SULT1E1: variants seen among roughly 807,000 people sequenced by gnomAD.
The protein encoded by SULT1E1 is sulfotransferase family 1E member 1.
Under a neutral mutation model 33.6 loss-of-function variants are expected in SULT1E1, and 36 were observed. The ratio of observed to expected loss-of-function variants is 1.07; its 90% confidence interval spans 0.82 to 1.41. SULT1E1 has a LOEUF of 1.41. Among genes scored for constraint, SULT1E1 ranks in the 40% most tolerant of loss-of-function variants. The pLI is 0.00. For synonymous variants in SULT1E1, 121 were observed against 111.7 expected, an observed-to-expected ratio of 1.08 and a Z score of -0.53; for missense variants, 371 against 345.7, an observed-to-expected ratio of 1.07 and a Z score of -0.58.
the SULT1E1 span, among the ~76,000 whole-genome samples, chr4:69,828,864 C>T: frequency 0.044 from 6,667 of 152,212 alleles, 214 homozygotes; most frequent in East Asian, 0.082. Context: ...GATAGCAGTC[C>T]TCTTGGGTTG....
intron 6 of SULT1E1, 41 bp from the exon 7 acceptor site, chr4:69,844,382 T>C (rs756417927): frequency 2.8e-6 from 4 of 1,448,292 alleles, no homozygotes; most frequent in East Asian, 2.4e-5. Flanking sequence ...TTGCTAAAAC[T>C]GAATAAATCA....
At chr4:69,821,960 T>C in the SULT1E1 span, among the ~76,000 whole-genome samples, 1 of 152,210 alleles carries the variant, frequency 6.6e-6, no homozygotes, top group Non-Finnish European at 1.5e-5. Flanking sequence ...TTGTAATAGT[T>C]AGGTTGTTGT....
downstream of SULT1E1, among the ~76,000 whole-genome samples, chr4:69,840,939 G>A (rs1219297822): frequency 3.3e-5 from 5 of 152,078 alleles, no homozygotes; most frequent in Non-Finnish European, 1.5e-5. Flanking sequence ...CCAGCTACTT[G>A]GAAGGCTGAG....
chr4:69,833,895 G>A, the SULT1E1 span, among the ~76,000 whole-genome samples: 1 of 152,130 alleles, frequency 6.6e-6, no homozygotes, highest in Non-Finnish European at 1.5e-5. Flanking sequence ...AATCACATTT[G>A]TTGTTAAATT....
chr4:69,845,120 G>A (rs932163102), intron 6 of SULT1E1, among the ~76,000 whole-genome samples: 1 of 151,916 alleles, frequency 6.6e-6, no homozygotes, highest in Non-Finnish European at 1.5e-5. Flanking sequence ...TACCACATGT[G>A]TATTTTTGTA....
chr4:69,846,434 G>C (rs1720979154), intron 6 of SULT1E1, among the ~76,000 whole-genome samples: 1 of 150,710 alleles, frequency 6.6e-6, no homozygotes, highest in Admixed American at 6.6e-5. Flanking sequence ...TTACCTAGCT[G>C]ATGTGTATAT....
the SULT1E1 span, among the ~76,000 whole-genome samples, chr4:69,829,149 G>A: frequency 1.3e-5 from 2 of 152,172 alleles, no homozygotes; most frequent in Non-Finnish European, 2.9e-5. Context: ...TCCCATTAAA[G>A]TATACAGGTT....
At chr4:69,840,208 A>AT (rs1365971396), downstream of SULT1E1, among the ~76,000 whole-genome samples, 1 of 151,858 alleles carries the variant, frequency 6.6e-6, no homozygotes, top group Non-Finnish European at 1.5e-5. Context: ...TATATTAAAC[A>AT]TTAAAAAAAA....
In SULT1E1 at chr4:69,857,650, T is replaced by C. The variant is rs765212740; in HGVS notation, c.-6A>G. 8.2e-6 allele frequency: 13 copies of C among 1,581,780 alleles called. No individual in the cohort carries two copies. The highest frequency in any genetic ancestry group is 2.2e-5 in the East Asian group (1 of 44,718). On this transcript the variant is annotated 5_prime_UTR_variant, in exon 2 of 8. Coordinates refer to ENST00000226444, the MANE Select transcript of SULT1E1 (RefSeq NM_005420.3). ...TAGTCAAGTTCAGAATTCATTGTGGTACACTGAAAAAAAACCTCTGCTTTA... is the reference window on the plus strand; with the variant it reads ...TAGTCAAGTTCAGAATTCATTGTGGCACACTGAAAAAAAACCTCTGCTTTA...
the SULT1E1 span, among the ~76,000 whole-genome samples, chr4:69,822,481 A>G: frequency 6.6e-6 from 1 of 152,072 alleles, no homozygotes; most frequent in African/African-American, 2.4e-5. Flanking sequence ...GATGGCATGC[A>G]CCTGCAGTCC....
chr4:69,849,882 T>C (rs1443453711), intron 4 of SULT1E1, among the ~76,000 whole-genome samples: 3 of 151,974 alleles, frequency 2.0e-5, no homozygotes, highest in Non-Finnish European at 4.4e-5. Flanking sequence ...TTATTCTCAA[T>C]GTATAAGTGA....
the SULT1E1 span, among the ~76,000 whole-genome samples, chr4:69,828,861 G>T: frequency 6.6e-6 from 1 of 152,166 alleles, no homozygotes; most frequent in Non-Finnish European, 1.5e-5. Context: ...CCTGATAGCA[G>T]TCCTCTTGGG....
intron 7 of SULT1E1, 113 bp from the exon 8 acceptor site, chr4:69,842,219 C>T (rs1720897832): frequency 4.6e-6 from 3 of 646,642 alleles, no homozygotes; most frequent in Non-Finnish European, 8.0e-6. Flanking sequence ...TTGTAATTCT[C>T]AATTTTAAGA....
chr4:69,859,340 A>G (rs1024143514), intron 1 of SULT1E1, among the ~76,000 whole-genome samples: 2 of 151,908 alleles, frequency 1.3e-5, no homozygotes, highest in Non-Finnish European at 2.9e-5. Flanking sequence ...CCCTTTTCCT[A>G]GGCCCTGTAG....
chr4:69,829,024 G>C, the SULT1E1 span, among the ~76,000 whole-genome samples: 1 of 152,174 alleles, frequency 6.6e-6, no homozygotes, highest in Non-Finnish European at 1.5e-5. Context: ...AGTGTACTGT[G>C]ATTGACCCCA....
the SULT1E1 span, among the ~76,000 whole-genome samples, chr4:69,832,020 T>A: frequency 6.6e-6 from 1 of 152,228 alleles, no homozygotes; most frequent in South Asian, 2.1e-4. Flanking sequence ...AAGTTTCATC[T>A]GAATTGCAGA....
the SULT1E1 span, among the ~76,000 whole-genome samples, chr4:69,834,237 G>A: frequency 6.6e-6 from 1 of 152,088 alleles, no homozygotes; most frequent in African/African-American, 2.4e-5. Flanking sequence ...GCTGCTTACT[G>A]GACATCTTCC....
the SULT1E1 span, among the ~76,000 whole-genome samples, chr4:69,831,598 T>G: frequency 2.0e-5 from 3 of 152,186 alleles, no homozygotes; most frequent in East Asian, 5.8e-4. Context: ...TGAAAAAACT[T>G]TCTTAAAATT....
the SULT1E1 span, among the ~76,000 whole-genome samples, chr4:69,836,200 C>A: frequency 3.3e-5 from 5 of 152,126 alleles, no homozygotes; most frequent in Non-Finnish European, 7.4e-5. Flanking sequence ...AATATGTTAT[C>A]TTCCACATAA....
Sources: gnomAD v4.1 joint callset for allele counts (sites outside exome capture counted in the v4.1 genomes callset) on GRCh38, gnomAD v4.1.1 for gene constraint, MANE v1.5 for transcripts, NCBI Gene and HGNC (gene_info 2026-07-23, HGNC 2026-07-21) for gene names.